Variants in DGKB observed in about 807,000 individuals in gnomAD.
DGKB encodes 90 kDa diacylglycerol kinase.
In DGKB, 67 loss-of-function variants were observed where a neutral mutation model predicts 114.3. That is an observed-to-expected ratio of 0.59 (90% confidence interval 0.48 to 0.72). DGKB has a LOEUF of 0.72. Among genes scored for constraint, DGKB ranks in the 30% least tolerant of loss-of-function variants. The pLI, the probability that DGKB is intolerant of heterozygous loss-of-function variation, is 0.00. For synonymous variants in DGKB, 398 were observed against 323.1 expected (o/e 1.23, Z -2.49); for missense variants, 907 against 975.2 (o/e 0.93, Z 0.93).
chr7:14,756,450 G>A (rs773213512), intron 3 of DGKB, among the ~76,000 whole-genome samples: 26 of 151,604 alleles, frequency 1.7e-4, no homozygotes, highest in Non-Finnish European at 3.1e-4. Context: ...AAAAGGGAAC[G>A]GCTTTAAATA....
chr7:14,409,898 C>G (rs1824587212), intron 21 of DGKB, among the ~76,000 whole-genome samples: 1 of 151,972 alleles, frequency 6.6e-6, no homozygotes, highest in Non-Finnish European at 1.5e-5. Flanking sequence ...TCTAGCTTAC[C>G]TTGTTGTAAG....
At chr7:14,700,467 T>A (rs1824968345) in intron 7 of DGKB, among the ~76,000 whole-genome samples, 1 of 152,168 alleles carries the variant, frequency 6.6e-6, no homozygotes. Flanking sequence ...CTGCCCGTCT[T>A]GGCATCCCAA....
At chr7:14,267,807 A>C (rs2128425361) in intron 23 of DGKB, among the ~76,000 whole-genome samples, 1 of 152,198 alleles carries the variant, frequency 6.6e-6, no homozygotes, top group East Asian at 1.9e-4. Flanking sequence ...TAAGTCACTA[A>C]ATTTCAAGGG....
At chr7:14,280,528 C>G (rs1194430094) in intron 23 of DGKB, among the ~76,000 whole-genome samples, 8 of 147,954 alleles carry the variant, frequency 5.4e-5, no homozygotes, top group African/African-American at 2.5e-5. Flanking sequence ...AGATACTCCT[C>G]GAGAAGAGCA....
intron 19 of DGKB, among the ~76,000 whole-genome samples, chr7:14,577,574 G>T (rs551586000): frequency 7.2e-5 from 11 of 151,982 alleles, no homozygotes; most frequent in Non-Finnish European, 1.3e-4. Flanking sequence ...CTGAGATTGC[G>T]CCACTGCACT....
intron 1 of DGKB, among the ~76,000 whole-genome samples, chr7:14,943,823 T>G (rs1303330184): frequency 2.0e-5 from 3 of 151,970 alleles, no homozygotes; most frequent in Non-Finnish European, 4.4e-5. Context: ...CTATTACTTC[T>G]GAATTCTTTA....
chr7:14,447,265 C>T (rs748927798), intron 21 of DGKB, among the ~76,000 whole-genome samples: 1 of 152,022 alleles, frequency 6.6e-6, no homozygotes, highest in Admixed American at 6.6e-5. Context: ...TTTTGGGGCC[C>T]CTCTACTGCT....
intron 1 of DGKB, among the ~76,000 whole-genome samples, chr7:14,855,179 T>C (rs1156611654): frequency 4.6e-5 from 7 of 152,184 alleles, no homozygotes; most frequent in Non-Finnish European, 1.0e-4. Context: ...GCAGCAGCTG[T>C]TTGGAGATCA....
intron 21 of DGKB, among the ~76,000 whole-genome samples, chr7:14,389,869 T>G (rs1821054522): frequency 2.0e-5 from 3 of 152,216 alleles, no homozygotes; most frequent in Non-Finnish European, 4.4e-5. Flanking sequence ...GAATAATAAG[T>G]TCGTTATCTA....
chr7:14,409,425 A>AATT (rs1583716058), intron 21 of DGKB, among the ~76,000 whole-genome samples: 9 of 66,642 alleles, frequency 1.4e-4, no homozygotes, highest in African/African-American at 8.5e-5. Flanking sequence ...GAAAAAGTTG[A>AATT]GGCCGGGCGC....
At chr7:14,577,627 A>AT (rs1799358980) in intron 19 of DGKB, among the ~76,000 whole-genome samples, 1 of 152,096 alleles carries the variant, frequency 6.6e-6, no homozygotes, top group African/African-American at 2.4e-5. Context: ...AAAAAAAAAA[A>AT]GTGTGTCCAA....
chr7:14,648,065 G>C (rs959216867), intron 13 of DGKB, among the ~76,000 whole-genome samples: 2 of 152,186 alleles, frequency 1.3e-5, no homozygotes, highest in African/African-American at 4.8e-5. Context: ...GCGAGGCTGG[G>C]GGAGGGGCGC....
chr7:14,405,491 C>T (rs1267878619), intron 21 of DGKB, among the ~76,000 whole-genome samples: 1 of 151,964 alleles, frequency 6.6e-6, no homozygotes, highest in African/African-American at 2.4e-5. Flanking sequence ...AGATAGGCTT[C>T]TTAAAGGATA....
intron 15 of DGKB, among the ~76,000 whole-genome samples, chr7:14,619,450 C>A (rs1182504495): frequency 6.6e-6 from 1 of 151,410 alleles, no homozygotes; most frequent in Non-Finnish European, 1.5e-5. Flanking sequence ...ACTGCATGTA[C>A]TATTTAATTT....
At position 14,210,704 on chromosome 7, in the gene DGKB, CAAATCTTT is replaced by C. The variant is rs542151968; in HGVS notation, c.2123-32561_2123-32554del. Among the ~76,000 whole-genome samples the C allele has an allele frequency of 2.1e-3, 323 of 152,130 alleles. 3 individuals are homozygous for C. Among genetic ancestry groups the C allele is most frequent in the Non-Finnish European group, 3.6e-3 (244 of 67,970 alleles). Reference sequence around the variant, plus strand: ...GATTATGTCCCTCTCTTCAAGTCTTCAAATCTTTCTCACCTCAAGAGATGACTGTGTCA... The same window carrying C: ...GATTATGTCCCTCTCTTCAAGTCTTCCTCACCTCAAGAGATGACTGTGTCA... On this transcript the variant is annotated intron_variant, in intron 23 of 25. Transcript: ENST00000402815.
At chr7:14,436,624 C>T (rs1463771193) in intron 21 of DGKB, among the ~76,000 whole-genome samples, 1 of 152,008 alleles carries the variant, frequency 6.6e-6, no homozygotes, top group East Asian at 1.9e-4. Flanking sequence ...TGTTTTTAAC[C>T]TAAATTCAGT....
chr7:14,325,126 C>T lies in DGKB; in HGVS notation c.2122+13389G>A, dbSNP rs550660298. 2.0e-5 allele frequency among the ~76,000 whole-genome samples: 3 copies of T among 152,290 alleles called. No homozygotes were observed. The East Asian group carries it at 5.8e-4, about 29-fold the overall frequency. On this transcript the variant is annotated intron_variant, in intron 23 of 25. Coordinates refer to ENST00000402815, the MANE Select transcript of DGKB (RefSeq NM_001350709.2). ...TCATTAATTTCTTAGTCAGCCTGTACTTTCCCTTACAGCCACTTAGAGAGT... is the reference window on the plus strand; with the variant it reads ...TCATTAATTTCTTAGTCAGCCTGTATTTTCCCTTACAGCCACTTAGAGAGT...
At chr7:14,352,505 A>AC (rs11373106) in intron 21 of DGKB, among the ~76,000 whole-genome samples, 119,028 of 152,094 alleles carry the variant, frequency 0.78, 47,644 homozygotes, top group African/African-American at 0.92. Flanking sequence ...GCAGAGTCAT[A>AC]CAAAAACGTA....
At chr7:14,410,801 AAAGAT>A (rs55789018) in intron 21 of DGKB, among the ~76,000 whole-genome samples, 112,607 of 151,454 alleles carry the variant, frequency 0.74, 42,457 homozygotes, top group Non-Finnish European at 0.81. Flanking sequence ...CAAAATGATA[AAAGAT>A]AAGACTAGAT....
Sources: allele counts gnomAD v4.1 joint callset (sites outside exome capture counted in the v4.1 genomes callset), GRCh38; gene constraint gnomAD v4.1.1; transcripts MANE v1.5; gene names NCBI Gene and HGNC (gene_info 2026-07-23, HGNC 2026-07-21).